NHSL3: variants seen among roughly 807,000 people sequenced by gnomAD.
NHSL3 encodes NHS like 3.
At chr1:32,772,366 AAG>A in the NHSL3 span, 1 of 1,595,824 alleles carries the variant, frequency 6.3e-7, no homozygotes, top group Admixed American at 1.7e-5. Flanking sequence ...GGACAGGACT[AAG>A]AGGGAGCTGG....
chr1:32,765,902 G>A, the NHSL3 span: 1 of 1,399,968 alleles, frequency 7.1e-7, no homozygotes, highest in African/African-American at 1.4e-5. Context: ...GTAGAATGAG[G>A]AATCAAGGCT....
chr1:32,742,340 A>G, the NHSL3 span: 5 of 756,076 alleles, frequency 6.6e-6, no homozygotes, highest in East Asian at 6.9e-5. Context: ...GAGTCCGAAC[A>G]CTTCCACCCT....
At chr1:32,742,076 T>TGCGGGGCAA in the NHSL3 span, 2 of 1,260,388 alleles carry the variant, frequency 1.6e-6, no homozygotes, top group Non-Finnish European at 2.0e-6. Flanking sequence ...TTCAGCTGGC[T>TGCGGGGCAA]GCGGGGCAAG....
the NHSL3 span, among the ~76,000 whole-genome samples, chr1:32,744,266 T>TTC: frequency 6.6e-6 from 1 of 152,130 alleles, no homozygotes; most frequent in Admixed American, 6.5e-5. Flanking sequence ...CTCTCCTACT[T>TTC]TAAGATGGAA....
the NHSL3 span, chr1:32,771,825 G>C: frequency 6.2e-7 from 1 of 1,611,390 alleles, no homozygotes; most frequent in Non-Finnish European, 8.5e-7. Flanking sequence ...TCACGCCCTC[G>C]CTCCTGCAGA....
At chr1:32,764,251 G>T in the NHSL3 span, among the ~76,000 whole-genome samples, 1 of 134,950 alleles carries the variant, frequency 7.4e-6, no homozygotes. Context: ...TTACAGCTCT[G>T]GAGTCTTCAC....
chr1:32,744,237 C>G, the NHSL3 span, among the ~76,000 whole-genome samples: 3 of 152,100 alleles, frequency 2.0e-5, no homozygotes, highest in African/African-American at 7.2e-5. Context: ...AGAGGCAGGT[C>G]TTGATTCCTC....
the NHSL3 span, chr1:32,765,706 G>C: frequency 6.5e-7 from 1 of 1,542,580 alleles, no homozygotes; most frequent in Non-Finnish European, 8.7e-7. Flanking sequence ...GTGAAGGTAC[G>C]CCCCGCGCTC....
chr1:32,755,117 A>G, the NHSL3 span, among the ~76,000 whole-genome samples: 2 of 152,176 alleles, frequency 1.3e-5, no homozygotes, highest in African/African-American at 4.8e-5. Context: ...TGTTTCCCCC[A>G]ACAAGTGCGG....
chr1:32,741,925 G>T, the NHSL3 span: 2 of 542,722 alleles, frequency 3.7e-6, no homozygotes, highest in South Asian at 1.5e-4. This position sits in a 1 kb window ranked among gnomAD's most constrained non-coding sequence, Gnocchi z 4.3. Context: ...CAGGGGGCCT[G>T]ACCCGCCGCC....
At chr1:32,743,032 G>A in the NHSL3 span, among the ~76,000 whole-genome samples, 2 of 152,222 alleles carry the variant, frequency 1.3e-5, no homozygotes, top group South Asian at 4.1e-4. Context: ...CGGGGAAGCC[G>A]ACCTGGCCCA....
the NHSL3 span, among the ~76,000 whole-genome samples, chr1:32,749,096 T>G: frequency 6.6e-6 from 1 of 151,962 alleles, no homozygotes; most frequent in Non-Finnish European, 1.5e-5. Context: ...TAATTAAGGG[T>G]TAACAAGTGT....
chr1:32,771,285 C>A, the NHSL3 span: 1 of 1,607,906 alleles, frequency 6.2e-7, no homozygotes, highest in South Asian at 1.1e-5. Flanking sequence ...CCACTGACGC[C>A]AGTCCTCAGT....
At chr1:32,756,802 C>G in the NHSL3 span, among the ~76,000 whole-genome samples, 1 of 151,950 alleles carries the variant, frequency 6.6e-6, no homozygotes, top group Non-Finnish European at 1.5e-5. Flanking sequence ...AACCCCGTCT[C>G]TACTAAAAAT....
chr1:32,769,933 GA>G, the NHSL3 span: 1 of 1,607,552 alleles, frequency 6.2e-7, no homozygotes, highest in Non-Finnish European at 8.5e-7. Context: ...TGGTGCACGG[GA>G]TGCCGTACGC....
chr1:32,763,264 G>T, the NHSL3 span, among the ~76,000 whole-genome samples: 4 of 152,188 alleles, frequency 2.6e-5, no homozygotes, highest in East Asian at 7.8e-4. Context: ...GGTTACAGGC[G>T]TGAGCCACCG....
At chr1:32,771,291 T>TCA in the NHSL3 span, 1 of 1,606,652 alleles carries the variant, frequency 6.2e-7, no homozygotes, top group Non-Finnish European at 8.5e-7. Context: ...ACGCCAGTCC[T>TCA]CAGTCCCCTC....
chr1:32,771,447 C>T, the NHSL3 span: 2 of 1,591,736 alleles, frequency 1.3e-6, no homozygotes, highest in Non-Finnish European at 1.7e-6. Context: ...CACCATCTGC[C>T]TCAGAGACTG....
chr1:32,742,667 C>T, the NHSL3 span, among the ~76,000 whole-genome samples: 1 of 152,258 alleles, frequency 6.6e-6, no homozygotes. Context: ...TCCAGCCCCA[C>T]AAAGGACCTC....
Sources: gnomAD v4.1 joint callset for allele counts (sites outside exome capture counted in the v4.1 genomes callset) on GRCh38, gnomAD v4.1.1 for gene constraint, Gnocchi (gnomAD v3.1) non-coding constraint, MANE v1.5 for transcripts, NCBI Gene and HGNC (gene_info 2026-07-23, HGNC 2026-07-21) for gene names.